PSMB1: variants seen among roughly 807,000 people sequenced by gnomAD.
PSMB1 encodes proteasome subunit beta type-1.
In PSMB1, 7 loss-of-function variants were observed where a neutral mutation model predicts 25.4. That is an observed-to-expected ratio of 0.28 (90% CI 0.16 to 0.52). PSMB1 has a LOEUF of 0.52. Ranked by LOEUF, PSMB1 falls within the 20% of genes least tolerant of loss-of-function variation. The pLI is 0.97. For missense variants in PSMB1, 284 were observed against 302.2 expected (o/e 0.94, Z 0.45); for synonymous variants, 119 against 115.0 (o/e 1.03, Z -0.22).
At chr6:170,543,571 C>G (rs777517891) in intron 4 of PSMB1, 30 bp downstream of exon 4, 43 of 1,575,316 alleles carry the variant, frequency 2.7e-5, no homozygotes, top group East Asian at 2.0e-4. Context: ...CTCCTCCCCC[C>G]CACCATTTTC....
chr6:170,546,087 G>A lies in PSMB1; in HGVS notation c.303+16C>T, dbSNP rs1190469843. The A allele has an allele frequency of 3.1e-6, 5 of 1,600,218 alleles. No individual in the cohort carries two copies. The highest frequency in any genetic ancestry group is 4.3e-6 in the Non-Finnish European group (5 of 1,168,922). On this transcript the variant is annotated intron_variant, in intron 3 of 5. Coordinates refer to ENST00000262193, the MANE Select transcript of PSMB1 (RefSeq NM_002793.4). ...TATTAATTTAAAATAGTGTAGAAAT[G>A]TACAAAAGCATCTACCTTTAGTCTT...
At chr6:170,539,964 T>A (rs987490420) in intron 4 of PSMB1, among the ~76,000 whole-genome samples, 2 of 152,236 alleles carry the variant, frequency 1.3e-5, no homozygotes, top group African/African-American at 2.4e-5. Context: ...TAATACATAA[T>A]GTATAGTTAC....
At chr6:170,537,470 G>C (rs1350301181) in intron 4 of PSMB1, 130 bp from the exon 5 acceptor site, 2 of 670,614 alleles carry the variant, frequency 3.0e-6, no homozygotes, top group Non-Finnish European at 5.2e-6. Flanking sequence ...GGAACAGTTG[G>C]AACACAGCCA....
chr6:170,535,770 T>C (rs1177054670), intron 5 of PSMB1, among the ~76,000 whole-genome samples: 2 of 152,120 alleles, frequency 1.3e-5, no homozygotes, highest in African/African-American at 2.4e-5. Flanking sequence ...GAAAGGACTT[T>C]TAAGTAGGTG....
chr6:170,542,456 C>T (rs1318905204), intron 4 of PSMB1, among the ~76,000 whole-genome samples: 1 of 152,184 alleles, frequency 6.6e-6, no homozygotes. Flanking sequence ...CCCCTGGAGG[C>T]TCTGACCCAA....
chr6:170,544,104 G>A (rs553170348), intron 3 of PSMB1, among the ~76,000 whole-genome samples: 1 of 152,238 alleles, frequency 6.6e-6, no homozygotes, highest in Non-Finnish European at 1.5e-5. Context: ...TTTGGCTCAG[G>A]GGCCAAATCC....
At chr6:170,546,826 A>C (rs1778825713) in intron 2 of PSMB1, among the ~76,000 whole-genome samples, 1 of 152,238 alleles carries the variant, frequency 6.6e-6, no homozygotes, top group Non-Finnish European at 1.5e-5. Flanking sequence ...CATAAATTTG[A>C]CTACATAAAA....
chr6:170,536,859 T>C (rs937557899), intron 5 of PSMB1, among the ~76,000 whole-genome samples: 5 of 152,086 alleles, frequency 3.3e-5, no homozygotes, highest in Non-Finnish European at 7.3e-5. Flanking sequence ...ACTGTATGCT[T>C]GGGAGTTCAA....
At chr6:170,536,311 C>T (rs1583111782) in intron 5 of PSMB1, 3 of 446,682 alleles carry the variant, frequency 6.7e-6, no homozygotes, top group South Asian at 4.8e-5. Context: ...ATAAAATACA[C>T]ATAAACTGAT....
At chr6:170,540,745 A>C (rs767100133) in intron 4 of PSMB1, among the ~76,000 whole-genome samples, 1 of 152,124 alleles carries the variant, frequency 6.6e-6, no homozygotes, top group Non-Finnish European at 1.5e-5. Context: ...TTAAAAAGAC[A>C]AAAAATAAGT....
rs138339126 is a variant in PSMB1 at position 170,545,036 on chromosome 6, C to T, written c.303+1067G>A. On this transcript the variant is annotated intron_variant, in intron 3 of 5. Coordinates refer to ENST00000262193, the MANE Select transcript of PSMB1 (RefSeq NM_002793.4). ...ACAGGTGCCTGTAATCTCAGCTACT[C>T]GGGAGGCTGTGGCAGGATAATCACT... Among the ~76,000 whole-genome samples the T allele has an allele frequency of 9.6e-3, 1,458 of 151,438 alleles. 24 individuals are homozygous for T. The highest frequency in any genetic ancestry group is 0.034 in the African/African-American group (1,391 of 41,234).
chr6:170,547,372 T>C (rs1234862532), intron 2 of PSMB1, among the ~76,000 whole-genome samples: 1 of 152,224 alleles, frequency 6.6e-6, no homozygotes, highest in Non-Finnish European at 1.5e-5. Flanking sequence ...GGTATAGACA[T>C]ACAAATTCAA....
chr6:170,548,012 C>T (rs1297262435), intron 2 of PSMB1, among the ~76,000 whole-genome samples: 1 of 151,902 alleles, frequency 6.6e-6, no homozygotes, highest in Non-Finnish European at 1.5e-5. Context: ...ATATTTACTA[C>T]TTTCAAGTTG....
chr6:170,536,532 G>A (rs1583111904), intron 5 of PSMB1: 2 of 455,506 alleles, frequency 4.4e-6, no homozygotes, highest in East Asian at 1.4e-4. Flanking sequence ...AGCTGTGGTT[G>A]TCCACCACTC....
At chr6:170,545,894 T>A (rs1182717076) in intron 3 of PSMB1, among the ~76,000 whole-genome samples, 1 of 152,230 alleles carries the variant, frequency 6.6e-6, no homozygotes, top group East Asian at 1.9e-4. Flanking sequence ...TACAAGACTT[T>A]AACAAATGGA....
chr6:170,544,018 TAAGG>T (rs962359932), intron 3 of PSMB1, among the ~76,000 whole-genome samples: 2 of 152,302 alleles, frequency 1.3e-5, no homozygotes, highest in African/African-American at 4.8e-5. Flanking sequence ...TGAAGTGGCC[TAAGG>T]AAGATGGGTT....
rs576859220 is a variant in PSMB1, at chr6:170,540,731, T to G, written c.433+2870A>C. Among the ~76,000 whole-genome samples the G allele has an allele frequency of 1.7e-3, 252 of 152,108 alleles. 2 individuals carry two copies. Among genetic ancestry groups the G allele is most frequent in the African/African-American group, 5.5e-3 (230 of 41,520 alleles). On this transcript the variant is annotated intron_variant, in intron 4 of 5. Transcript: ENST00000262193. ...AACTGCAAAGAAAGTAAACAGGATT[T>G]TTTTTAAAAAGACAAAAAATAAGTA...
At chr6:170,549,219 CA>C (rs1778861222) in intron 1 of PSMB1, 106 bp from the exon 2 acceptor site, 1 of 538,276 alleles carries the variant, frequency 1.9e-6, no homozygotes, top group East Asian at 3.1e-5. Flanking sequence ...TAGATGTCAA[CA>C]AAAACATGAT....
At chr6:170,545,297 T>G (rs1205439636) in intron 3 of PSMB1, among the ~76,000 whole-genome samples, 4 of 152,222 alleles carry the variant, frequency 2.6e-5, no homozygotes, top group Non-Finnish European at 5.9e-5. Context: ...AACAATATCA[T>G]GTTTACTTTT....
Sources: allele counts gnomAD v4.1 joint callset (sites outside exome capture counted in the v4.1 genomes callset), GRCh38; gene constraint gnomAD v4.1.1; transcripts MANE v1.5; gene names NCBI Gene and HGNC (gene_info 2026-07-23, HGNC 2026-07-21).